The following SOX5 variants were observed in gnomAD, a reference collection of about 807,000 sequenced individuals.
SOX5 encodes the protein transcription factor SOX-5.
Under a neutral mutation model 92.0 loss-of-function variants are expected in SOX5, and 9 were observed. That is an observed-to-expected ratio of 0.10 (90% CI 0.06 to 0.17). SOX5 has a LOEUF of 0.17. SOX5 is among the 10% of genes least tolerant of loss of function. SOX5 has a pLI of 1.00. For synonymous variants in SOX5, 344 were observed against 336.3 expected, an observed-to-expected ratio of 1.02 and a Z score of -0.25; for missense variants, 642 against 944.5, an observed-to-expected ratio of 0.68 and a Z score of 4.20.
intron 1 of SOX5, among the ~76,000 whole-genome samples, chr12:24,373,176 G>A (rs1596025544): frequency 6.6e-6 from 1 of 152,058 alleles, no homozygotes; most frequent in African/African-American, 2.4e-5. Flanking sequence ...CAAAGTCTAA[G>A]TATTTGGAAT....
In SOX5 at chr12:24,386,018, A is replaced by G. The variant is rs558779470; in HGVS notation, c.-250-17379T>C. 7.2e-5 allele frequency among the ~76,000 whole-genome samples: 11 copies of G among 152,142 alleles called. No homozygotes were observed. The South Asian group carries it at 2.3e-3, about 32-fold the overall frequency. On this transcript the variant is annotated intron_variant, in intron 1 of 4. Transcript: ENST00000446891. ...ATGTTTTAAAATCTTTACTAACTAC[A>G]GTAACCTCTCACTTAACATTTTTGA... is the stretch of plus-strand genomic sequence containing the variant.
chr12:23,916,721 G>T (rs1183167161), intron 1 of SOX5, among the ~76,000 whole-genome samples: 2 of 152,032 alleles, frequency 1.3e-5, no homozygotes, highest in Non-Finnish European at 2.9e-5. Context: ...AGCCTTTCCG[G>T]TTCTTAGAAA....
chr12:23,631,048 A>T (rs1256971413), intron 8 of SOX5, among the ~76,000 whole-genome samples: 2 of 152,028 alleles, frequency 1.3e-5, no homozygotes, highest in Non-Finnish European at 2.9e-5. Flanking sequence ...ATGTAATGCA[A>T]TTTGTATGTC....
chr12:23,692,834 T>C (rs939762145), intron 6 of SOX5, among the ~76,000 whole-genome samples: 1 of 152,220 alleles, frequency 6.6e-6, no homozygotes, highest in Non-Finnish European at 1.5e-5. Context: ...AGCTGACATA[T>C]AATCTGAGGA....
chr12:24,498,810 T>C (rs1033515495), intron 1 of SOX5, among the ~76,000 whole-genome samples: 5 of 152,190 alleles, frequency 3.3e-5, no homozygotes, highest in Admixed American at 6.5e-5. Flanking sequence ...ATCTGGCCTC[T>C]ACCCACCTCT....
chr12:24,022,302 C>T lies in SOX5; in HGVS notation c.-1-126278G>A, dbSNP rs145720415. 2.2e-3 allele frequency among the ~76,000 whole-genome samples: 332 copies of T among 152,140 alleles called. 1 individual carries two copies. The highest frequency in any genetic ancestry group is 0.01 in the Middle Eastern group (3 of 292). ...AAAAGAGAGACAAAAGAGGCAGAGCCTCTTGTCTGAGAGAGCATGACAAGT... is the reference window on the plus strand; with the variant it reads ...AAAAGAGAGACAAAAGAGGCAGAGCTTCTTGTCTGAGAGAGCATGACAAGT... On this transcript the variant is annotated intron_variant, in intron 4 of 4. Transcript: ENST00000446891.
intron 4 of SOX5, among the ~76,000 whole-genome samples, chr12:23,748,014 AG>A (rs561960850): frequency 6.6e-6 from 1 of 151,994 alleles, no homozygotes; most frequent in Non-Finnish European, 1.5e-5. Context: ...ATAACTTAAA[AG>A]TCCAGCTCCT....
At chr12:23,588,687 A>G (rs957532349) in intron 9 of SOX5, among the ~76,000 whole-genome samples, 1 of 151,080 alleles carries the variant, frequency 6.6e-6, no homozygotes, top group Non-Finnish European at 1.5e-5. Context: ...GATAAAATTG[A>G]TCTGTATTCT....
chr12:24,046,856 AT>A (rs35998099), intron 4 of SOX5, among the ~76,000 whole-genome samples: 28 of 148,200 alleles, frequency 1.9e-4, no homozygotes, highest in African/African-American at 5.0e-4. Context: ...ACTTTTTTGT[AT>A]TTTTTTTTTA....
intron 4 of SOX5, among the ~76,000 whole-genome samples, chr12:24,053,922 G>C (rs1957845901): frequency 6.6e-6 from 1 of 152,184 alleles, no homozygotes; most frequent in Non-Finnish European, 1.5e-5. Flanking sequence ...GATATGCAGG[G>C]AGGATAAGTG....
chr12:23,849,670 C>A (rs2096610174), intron 2 of SOX5, among the ~76,000 whole-genome samples: 2 of 152,046 alleles, frequency 1.3e-5, no homozygotes, highest in Admixed American at 1.3e-4. Context: ...ACGTTCAAGT[C>A]CTAAAGAAAA....
intron 3 of SOX5, among the ~76,000 whole-genome samples, chr12:23,835,173 T>C (rs1445517773): frequency 6.6e-6 from 1 of 151,896 alleles, no homozygotes; most frequent in African/African-American, 2.4e-5. Context: ...AAAATTAAGA[T>C]AGTCGGTTGC....
chr12:24,259,769 CAA>C (rs1941809959), intron 3 of SOX5, among the ~76,000 whole-genome samples: 1 of 152,070 alleles, frequency 6.6e-6, no homozygotes, highest in South Asian at 2.1e-4. Context: ...TATAAAAGAA[CAA>C]AATAAAAGAA....
At chr12:24,286,208 G>A (rs1355712320) in intron 2 of SOX5, among the ~76,000 whole-genome samples, 1 of 152,134 alleles carries the variant, frequency 6.6e-6, no homozygotes, top group Non-Finnish European at 1.5e-5. Context: ...AGGGAATACA[G>A]TTAATAATTG....
At chr12:24,040,891 A>C (rs188903898) in intron 4 of SOX5, among the ~76,000 whole-genome samples, 1 of 152,222 alleles carries the variant, frequency 6.6e-6, no homozygotes, top group African/African-American at 2.4e-5. Context: ...AACAAAAAAA[A>C]AATTCATTTA....
intron 3 of SOX5, among the ~76,000 whole-genome samples, chr12:24,226,299 T>C (rs1194408006): frequency 6.6e-6 from 1 of 152,196 alleles, no homozygotes; most frequent in Non-Finnish European, 1.5e-5. Flanking sequence ...ACTTCCTGTA[T>C]TATTGCAGGA....
rs201969402 is a variant in SOX5, at chr12:24,300,245, C to G, written c.-173-22933G>C. Among the ~76,000 whole-genome samples the G allele has an allele frequency of 3.3e-5, 5 of 152,116 alleles. No homozygotes were observed. The East Asian group carries it at 9.6e-4, about 29-fold the overall frequency. On this transcript the variant is annotated intron_variant, in intron 2 of 4. Coordinates refer to the SOX5 transcript ENST00000446891. ...AAAAACATGCCAGAAGGGGAAAAAC[C>G]TGTGGATATAGGAAAGGGAGACCCT...
chr12:23,924,307 C>T (rs1939315086), intron 1 of SOX5, among the ~76,000 whole-genome samples: 1 of 152,088 alleles, frequency 6.6e-6, no homozygotes. Context: ...CAGCCTGTAG[C>T]TACTGTTGTA....
chr12:24,185,583 C>T (rs1296469365), intron 4 of SOX5, among the ~76,000 whole-genome samples: 1 of 152,072 alleles, frequency 6.6e-6, no homozygotes, highest in African/African-American at 2.4e-5. Flanking sequence ...ACAATGAGGG[C>T]AGGTGAGAAC....
Sources: allele counts gnomAD v4.1 joint callset (sites outside exome capture counted in the v4.1 genomes callset), GRCh38; gene constraint gnomAD v4.1.1; transcripts MANE v1.5; gene names NCBI Gene and HGNC (gene_info 2026-07-23, HGNC 2026-07-21).